Variants in L3MBTL4 observed in about 807,000 individuals in gnomAD.
The protein encoded by L3MBTL4 is lethal(3)malignant brain tumor-like protein 4.
In L3MBTL4, 70 loss-of-function variants were observed where a neutral mutation model predicts 84.5. That is an observed-to-expected ratio of 0.83 (90% CI 0.68 to 1.01). The LOEUF (loss-of-function observed/expected upper bound fraction) is 1.01. Ranked by LOEUF, L3MBTL4 falls within the 50% of genes least tolerant of loss-of-function variation. The pLI, the probability that L3MBTL4 is intolerant of heterozygous loss-of-function variation, is 0.00. For synonymous variants in L3MBTL4, 274 were observed against 259.8 expected, an observed-to-expected ratio of 1.05 and a Z score of -0.52; for missense variants, 715 against 754.8, an observed-to-expected ratio of 0.95 and a Z score of 0.62.
intron 14 of L3MBTL4, among the ~76,000 whole-genome samples, chr18:6,116,359 GTT>G (rs147840317): frequency 0.29 from 37,521 of 129,342 alleles, 5,205 homozygotes; most frequent in East Asian, 0.47. Context: ...GTTGTTGCTG[GTT>G]TTTTTTTTTT....
At chr18:6,372,685 T>C (rs1481354242) in intron 1 of L3MBTL4, among the ~76,000 whole-genome samples, 1 of 152,192 alleles carries the variant, frequency 6.6e-6, no homozygotes, top group Non-Finnish European at 1.5e-5. Flanking sequence ...CTCCAAAGTG[T>C]CCTCACCTGT....
chr18:6,344,473 C>T (rs1291900875), intron 1 of L3MBTL4, among the ~76,000 whole-genome samples: 1 of 152,178 alleles, frequency 6.6e-6, no homozygotes, highest in African/African-American at 2.4e-5. Context: ...GAAGAACTAA[C>T]ACCAATCCTT....
chr18:6,102,163 T>G (rs920483805), intron 14 of L3MBTL4, among the ~76,000 whole-genome samples: 1 of 152,230 alleles, frequency 6.6e-6, no homozygotes, highest in Admixed American at 6.5e-5. Flanking sequence ...TGAGTAAAAT[T>G]GGGCTATTTC....
At chr18:6,204,792 T>C (rs2045801674) in intron 12 of L3MBTL4, among the ~76,000 whole-genome samples, 1 of 152,218 alleles carries the variant, frequency 6.6e-6, no homozygotes, top group South Asian at 2.1e-4. Context: ...TACACTGAAC[T>C]GTCACACTAT....
chr18:6,004,389 C>T (rs2054365772), intron 16 of L3MBTL4, among the ~76,000 whole-genome samples: 1 of 152,054 alleles, frequency 6.6e-6, no homozygotes, highest in South Asian at 2.1e-4. Context: ...TAATCAACAC[C>T]CCCTTGTTAA....
At chr18:6,306,302 G>A (rs2050582288) in intron 3 of L3MBTL4, among the ~76,000 whole-genome samples, 1 of 152,160 alleles carries the variant, frequency 6.6e-6, no homozygotes, top group Admixed American at 6.5e-5. Flanking sequence ...GACACACTCA[G>A]GGAGAATGAA....
intron 5 of L3MBTL4, chr18:6,259,245 G>A (rs1394991059): frequency 2.0e-5 from 3 of 152,328 alleles, no homozygotes; most frequent in African/African-American, 7.2e-5. Flanking sequence ...AAACAGAACA[G>A]GAACAACAAT....
chr18:6,095,345 G>GATTTTT (rs2058596933), intron 14 of L3MBTL4, among the ~76,000 whole-genome samples: 1 of 122,952 alleles, frequency 8.1e-6, no homozygotes, highest in African/African-American at 4.3e-5. Context: ...AGGGGAACAT[G>GATTTTT]GTTTTTTTTT....
chr18:6,387,045 G>A (rs1386011888), intron 1 of L3MBTL4, among the ~76,000 whole-genome samples: 1 of 152,136 alleles, frequency 6.6e-6, no homozygotes, highest in Non-Finnish European at 1.5e-5. Context: ...GATACATTTC[G>A]AAGGTACAGC....
At chr18:6,247,508 T>G (rs1252576727) in intron 5 of L3MBTL4, among the ~76,000 whole-genome samples, 1 of 133,708 alleles carries the variant, frequency 7.5e-6, no homozygotes, top group African/African-American at 2.8e-5. Flanking sequence ...AGATGGAGTC[T>G]CGCTGTGTCA....
At chr18:6,136,423 G>A (rs535932595) in intron 14 of L3MBTL4, among the ~76,000 whole-genome samples, 71 of 152,240 alleles carry the variant, frequency 4.7e-4, no homozygotes, top group African/African-American at 1.7e-3. Context: ...AGTAACAAAA[G>A]GACCAGAGGC....
At chr18:6,032,473 G>T (rs1395305982) in intron 16 of L3MBTL4, among the ~76,000 whole-genome samples, 2 of 151,702 alleles carry the variant, frequency 1.3e-5, no homozygotes, top group Non-Finnish European at 2.9e-5. Context: ...GGTTGTGATT[G>T]TGGGGGCTGG....
intron 13 of L3MBTL4, among the ~76,000 whole-genome samples, chr18:6,161,036 A>T (rs562293820): frequency 4.6e-5 from 7 of 152,360 alleles, no homozygotes; most frequent in African/African-American, 1.7e-4. Context: ...CAGAGCAGGC[A>T]TGGTTTTTAG....
intron 12 of L3MBTL4, among the ~76,000 whole-genome samples, chr18:6,204,752 C>T (rs2045799451): frequency 6.6e-6 from 1 of 152,204 alleles, no homozygotes; most frequent in Non-Finnish European, 1.5e-5. Flanking sequence ...ATGGCTTTTA[C>T]AGTACTTGAG....
intron 5 of L3MBTL4, among the ~76,000 whole-genome samples, chr18:6,248,962 A>G (rs1329345800): frequency 6.6e-6 from 1 of 152,240 alleles, no homozygotes; most frequent in Non-Finnish European, 1.5e-5. Context: ...TTCTAAGGAA[A>G]AACTTAAAAG....
intron 1 of L3MBTL4, among the ~76,000 whole-genome samples, chr18:6,358,165 G>C (rs2053528101): frequency 6.6e-6 from 1 of 152,224 alleles, no homozygotes; most frequent in African/African-American, 2.4e-5. Context: ...CAGTGGATGA[G>C]ACTATCCTAG....
intron 4 of L3MBTL4, among the ~76,000 whole-genome samples, chr18:6,291,123 G>C (rs2049847288): frequency 6.6e-6 from 1 of 152,108 alleles, no homozygotes; most frequent in Non-Finnish European, 1.5e-5. Flanking sequence ...CGGGAACAAG[G>C]CTCCCTACCA....
intron 17 of L3MBTL4, among the ~76,000 whole-genome samples, chr18:5,966,133 T>C (rs2052341546): frequency 6.6e-6 from 1 of 152,162 alleles, no homozygotes; most frequent in African/African-American, 2.4e-5. Context: ...CTAGACCAGC[T>C]ACTTCCCTTG....
At chr18:6,383,358 C>CA (rs548270277) in intron 1 of L3MBTL4, among the ~76,000 whole-genome samples, 64 of 151,044 alleles carry the variant, frequency 4.2e-4, no homozygotes, top group South Asian at 2.3e-3. Context: ...CACTGGGATA[C>CA]AAAAAAAAAC....
Sources: gnomAD v4.1 joint callset for allele counts (sites outside exome capture counted in the v4.1 genomes callset) on GRCh38, gnomAD v4.1.1 for gene constraint, MANE v1.5 for transcripts, NCBI Gene and HGNC (gene_info 2026-07-23, HGNC 2026-07-21) for gene names.